The following PDE1C variants were observed in gnomAD, a reference collection of about 807,000 sequenced individuals.
PDE1C encodes phosphodiesterase 1C.
PDE1C carries 62 observed loss-of-function variants against 93.1 expected under a neutral mutation model. That is an observed-to-expected ratio of 0.67 (90% CI 0.54 to 0.82). The LOEUF is 0.82. Ranked by LOEUF, PDE1C falls within the 40% of genes least tolerant of loss-of-function variation. The pLI, the probability that PDE1C is intolerant of heterozygous loss-of-function variation, is 0.00. For missense variants in PDE1C, 742 were observed against 884.6 expected, an observed-to-expected ratio of 0.84 and a Z score of 2.04; for synonymous variants, 325 against 310.1, an observed-to-expected ratio of 1.05 and a Z score of -0.50.
chr7:32,372,840 C>T (rs993499763), intron 1 of PDE1C, among the ~76,000 whole-genome samples: 1 of 152,130 alleles, frequency 6.6e-6, no homozygotes, highest in Non-Finnish European at 1.5e-5. Context: ...ATACAAATGG[C>T]CAATATGCTC....
intron 1 of PDE1C, among the ~76,000 whole-genome samples, chr7:32,397,947 G>A (rs1304749815): frequency 6.6e-6 from 1 of 151,998 alleles, no homozygotes; most frequent in Non-Finnish European, 1.5e-5. Flanking sequence ...GAGGTCAGGA[G>A]ATCGAGACCA....
At chr7:32,250,929 T>C (rs769406585) in intron 1 of PDE1C, among the ~76,000 whole-genome samples, 1 of 152,244 alleles carries the variant, frequency 6.6e-6, no homozygotes, top group Non-Finnish European at 1.5e-5. Flanking sequence ...TCTGCTTCTT[T>C]TGATTGAAAA....
chr7:32,388,484 G>A (rs917629088), intron 1 of PDE1C, among the ~76,000 whole-genome samples: 1 of 151,938 alleles, frequency 6.6e-6, no homozygotes, highest in Non-Finnish European at 1.5e-5. Context: ...CAACATACCA[G>A]GCTGAGCAAC....
At chr7:31,965,235 A>C (rs1463961230) in intron 2 of PDE1C, among the ~76,000 whole-genome samples, 1 of 152,242 alleles carries the variant, frequency 6.6e-6, no homozygotes, top group Non-Finnish European at 1.5e-5. Context: ...ATGGCTAACT[A>C]GAATAACCAA....
chr7:32,154,460 C>T (rs1226297039), intron 3 of PDE1C, among the ~76,000 whole-genome samples: 2 of 152,136 alleles, frequency 1.3e-5, no homozygotes, highest in Non-Finnish European at 2.9e-5. Flanking sequence ...GACTCTAGTA[C>T]ATTATCCAAA....
intron 1 of PDE1C, among the ~76,000 whole-genome samples, chr7:32,360,618 A>G (rs1200839462): frequency 1.3e-5 from 2 of 152,208 alleles, no homozygotes; most frequent in African/African-American, 2.4e-5. Context: ...CTCCACTCTC[A>G]AAAGGGACCA....
At chr7:32,328,886 C>T (rs895190981) in intron 1 of PDE1C, among the ~76,000 whole-genome samples, 3 of 152,204 alleles carry the variant, frequency 2.0e-5, no homozygotes, top group African/African-American at 4.8e-5. Flanking sequence ...ACTGCATGTC[C>T]AGTACCTGGC....
chr7:31,864,089 A>G (rs937377340), intron 7 of PDE1C, among the ~76,000 whole-genome samples: 1 of 152,198 alleles, frequency 6.6e-6, no homozygotes, highest in Admixed American at 6.6e-5. Context: ...ATTCATACAG[A>G]CCTGTTTTTG....
At chr7:32,032,633 G>C (rs930179657) in intron 2 of PDE1C, among the ~76,000 whole-genome samples, 4 of 152,098 alleles carry the variant, frequency 2.6e-5, no homozygotes, top group African/African-American at 4.8e-5. Flanking sequence ...TATTATTATA[G>C]ATAAAAACCT....
intron 1 of PDE1C, among the ~76,000 whole-genome samples, chr7:32,405,060 T>G (rs1375768101): frequency 1.3e-5 from 2 of 152,126 alleles, no homozygotes; most frequent in Non-Finnish European, 2.9e-5. Context: ...CTCCAGCAAG[T>G]GTTTCCATTT....
chr7:31,648,917 T>C, the PDE1C span, among the ~76,000 whole-genome samples: 6 of 152,228 alleles, frequency 3.9e-5, no homozygotes, highest in Non-Finnish European at 7.3e-5. Flanking sequence ...ACAAGTTAAC[T>C]AGCCATTCTA....
intron 2 of PDE1C, among the ~76,000 whole-genome samples, chr7:32,036,899 T>C (rs1208439319): frequency 6.6e-6 from 1 of 152,106 alleles, no homozygotes; most frequent in Non-Finnish European, 1.5e-5. Flanking sequence ...AATCAGAACT[T>C]TAGAGTGGGT....
intron 3 of PDE1C, among the ~76,000 whole-genome samples, chr7:32,116,859 C>T (rs1356063858): frequency 6.6e-6 from 1 of 152,178 alleles, no homozygotes; most frequent in East Asian, 1.9e-4. Context: ...GTCATTTCTT[C>T]CCAGAGCTTT....
intron 1 of PDE1C, among the ~76,000 whole-genome samples, chr7:32,324,240 A>G (rs144171134): frequency 4.3e-4 from 66 of 152,256 alleles, no homozygotes; most frequent in African/African-American, 1.5e-3. Flanking sequence ...AATGCTTACT[A>G]TTTGCTCTTT....
intron 17 of PDE1C, among the ~76,000 whole-genome samples, chr7:31,761,976 A>G (rs1326917087): frequency 6.6e-6 from 1 of 152,232 alleles, no homozygotes; most frequent in African/African-American, 2.4e-5. Context: ...CATACATGTG[A>G]AAACAGCCAG....
chr7:31,740,728 G>T, the PDE1C span, among the ~76,000 whole-genome samples: 2 of 152,118 alleles, frequency 1.3e-5, no homozygotes, highest in Admixed American at 1.3e-4. Context: ...ATATGGCAAT[G>T]GATTCATGTA....
intron 3 of PDE1C, among the ~76,000 whole-genome samples, chr7:32,120,232 C>T (rs1251910174): frequency 6.6e-6 from 1 of 152,166 alleles, no homozygotes; most frequent in African/African-American, 2.4e-5. Context: ...GGGACAGAAC[C>T]CTGATCTCCC....
At chr7:32,006,776 G>A (rs1786322399) in intron 2 of PDE1C, among the ~76,000 whole-genome samples, 1 of 152,202 alleles carries the variant, frequency 6.6e-6, no homozygotes, top group Non-Finnish European at 1.5e-5. Flanking sequence ...AAAACAGAGA[G>A]AAATTGTGGC....
the PDE1C span, among the ~76,000 whole-genome samples, chr7:31,715,068 C>T: frequency 1.2e-4 from 19 of 152,220 alleles, no homozygotes; most frequent in South Asian, 4.1e-4. Context: ...AGCCAATCAT[C>T]GCTGATATTT....
Sources: allele counts gnomAD v4.1 joint callset (sites outside exome capture counted in the v4.1 genomes callset), GRCh38; gene constraint gnomAD v4.1.1; transcripts MANE v1.5; gene names NCBI Gene and HGNC (gene_info 2026-07-23, HGNC 2026-07-21).